The following SLC30A5 variants were observed in gnomAD, a reference collection of about 807,000 sequenced individuals.
The protein encoded by SLC30A5 is solute carrier family 30 member 5, also known as proton-coupled zinc antiporter SLC30A5.
SLC30A5 carries 33 observed loss-of-function variants against 79.6 expected under a neutral mutation model. That is an observed-to-expected ratio of 0.41 (90% CI 0.31 to 0.55). SLC30A5 has a LOEUF of 0.55. Among genes scored for constraint, SLC30A5 ranks in the 20% least tolerant of loss-of-function variants. SLC30A5 has a pLI of 0.20. For synonymous variants in SLC30A5, 299 were observed against 319.7 expected (o/e 0.94, Z 0.69); for missense variants, 788 against 928.1 (o/e 0.85, Z 1.96).
rs377505223 is a variant in SLC30A5, at chr5:69,107,734, CT to C, written c.360-598del. Reference sequence around the variant, plus strand: ...AGCACATGGGTATATGTTGCCTGTACTTTTTTTTTTTTTTTTTGAGATGGAG... The same window carrying C: ...AGCACATGGGTATATGTTGCCTGTACTTTTTTTTTTTTTTTTGAGATGGAG... On this transcript the variant is annotated intron_variant, in intron 4 of 15. Transcript: ENST00000396591. Among the ~76,000 whole-genome samples, 522 of 136,932 alleles carry C rather than the reference CT, an allele frequency of 3.8e-3. 3 individuals carry two copies. Among genetic ancestry groups the C allele is most frequent in the East Asian group, 0.022 (105 of 4,774 alleles). 89.8% of individuals were successfully genotyped at this position (136,932 alleles called of 152,430 possible). A position where few individuals can be genotyped will look rare whatever the true frequency, so the allele number is the denominator to read the frequency against.
Position 69,129,450 on chromosome 5 carries a change from A to G in SLC30A5, c.2131A>G (p.Thr711Ala). The G allele has an allele frequency of 6.2e-7, 1 of 1,609,806 alleles. No individual in the cohort carries two copies. Among genetic ancestry groups the G allele is most frequent in the Non-Finnish European group, 8.5e-7 (1 of 1,178,160 alleles). Residue 711 changes from threonine to alanine, a missense_variant, in exon 16 of 16, where the codon ACA becomes GCA. Thr to Ala is a moderately conservative substitution (Grantham distance 58). Around this residue, in one of 3 missense-constraint regions of SLC30A5, gnomAD observed 158 missense variants for 156.2 expected, o/e 1.01. Transcript: ENST00000396591. ...VLEQRIVQQVTGILKDAGVNN... is the reference protein window; with the variant it reads ...VLEQRIVQQVAGILKDAGVNN... The stretch of plus-strand genomic sequence containing the variant: ...AATATCTGGATTTTTATAACAGGTT[A>G]CAGGAATACTTAAAGATGCTGGAGT...
At chr5:69,120,362 T>G (rs1746504019) in intron 12 of SLC30A5, among the ~76,000 whole-genome samples, 1 of 150,910 alleles carries the variant, frequency 6.6e-6, no homozygotes, top group Admixed American at 6.7e-5. Flanking sequence ...CCAGCCTGGT[T>G]GACAGAGCAA....
chr5:69,096,023 C>T (rs1009680610), intron 1 of SLC30A5, among the ~76,000 whole-genome samples: 18 of 151,984 alleles, frequency 1.2e-4, no homozygotes, highest in African/African-American at 3.6e-4. Flanking sequence ...GAGCCGAGAT[C>T]GCACCACTGC....
chr5:69,129,380 C>G, intron 15 of SLC30A5, 67 bp from the exon 16 acceptor site: 1 of 1,133,902 alleles, frequency 8.8e-7, no homozygotes, highest in Admixed American at 2.1e-5. Flanking sequence ...CTATGTACAG[C>G]ATATTAAGAC....
At chr5:69,103,950 C>A (rs1206518869) in intron 3 of SLC30A5, 2 of 1,526,224 alleles carry the variant, frequency 1.3e-6, no homozygotes, top group Admixed American at 2.0e-5. Flanking sequence ...TAACTTTTTT[C>A]TCTCCTTTCA....
At chr5:69,128,455 G>A (rs1314745454) in intron 15 of SLC30A5, among the ~76,000 whole-genome samples, 1 of 151,810 alleles carries the variant, frequency 6.6e-6, no homozygotes, top group Non-Finnish European at 1.5e-5. Flanking sequence ...TAGAGATGGG[G>A]TTTCGCCATG....
intron 5 of SLC30A5, among the ~76,000 whole-genome samples, chr5:69,112,677 T>C (rs948074588): frequency 1.1e-4 from 16 of 152,238 alleles, no homozygotes; most frequent in African/African-American, 3.6e-4. Flanking sequence ...CTTTGTACTT[T>C]ACTAGATCTT....
chr5:69,128,494 C>T (rs1417829570), intron 15 of SLC30A5, among the ~76,000 whole-genome samples: 2 of 152,048 alleles, frequency 1.3e-5, no homozygotes, highest in Non-Finnish European at 2.9e-5. Flanking sequence ...AACTCCTGAC[C>T]TCAGGTGATC....
At chr5:69,128,250 CTTTTTTTTT>C in intron 15 of SLC30A5, 118 bp downstream of exon 15, 1 of 286,482 alleles carries the variant, frequency 3.5e-6, no homozygotes, top group Admixed American at 6.5e-5. Context: ...TCTTCCAACT[CTTTTTTTTT>C]TTTTTTTTTT....
At chr5:69,099,797 ATTTG>A (rs778028028) in intron 1 of SLC30A5, among the ~76,000 whole-genome samples, 19 of 152,126 alleles carry the variant, frequency 1.2e-4, no homozygotes, top group Non-Finnish European at 2.4e-4. Context: ...TGTTCTCCTT[ATTTG>A]TTTGGAGGAG....
At position 69,119,771 on chromosome 5, in the gene SLC30A5, G is replaced by A. The variant is rs552713331; in HGVS notation, c.1569+1143G>A. On this transcript the variant is annotated intron_variant, in intron 12 of 15. Coordinates refer to ENST00000396591, the MANE Select transcript of SLC30A5 (RefSeq NM_022902.5). Reference sequence around the variant, plus strand: ...GCAGTGGCTCACGCCTGTAATCCCAGCACTTTGGGAGGCCGAGGTGGTTGG... The same window carrying A: ...GCAGTGGCTCACGCCTGTAATCCCAACACTTTGGGAGGCCGAGGTGGTTGG... 3.3e-5 allele frequency among the ~76,000 whole-genome samples: 5 copies of A among 152,250 alleles called. No homozygotes were observed. The East Asian group carries it at 5.8e-4, about 18-fold the overall frequency.
At chr5:69,108,981 A>G (rs1746160279) in intron 5 of SLC30A5, among the ~76,000 whole-genome samples, 1 of 152,162 alleles carries the variant, frequency 6.6e-6, no homozygotes, top group Admixed American at 6.6e-5. Context: ...GAAACAGTGG[A>G]AAATGATTTT....
chr5:69,122,527 G>A (rs992456332), intron 13 of SLC30A5, among the ~76,000 whole-genome samples: 1 of 152,042 alleles, frequency 6.6e-6, no homozygotes, highest in African/African-American at 2.4e-5. Flanking sequence ...GGTGGCAGGC[G>A]CCTGTAGTCT....
chr5:69,118,246 T>G, intron 11 of SLC30A5: 1 of 143,842 alleles, frequency 7.0e-6, no homozygotes, highest in East Asian at 2.1e-4. Flanking sequence ...ATGTATATAT[T>G]CGTTAAAATG....
At chr5:69,094,474 G>A (rs1745661808) in intron 1 of SLC30A5, 136 bp downstream of exon 1, 1 of 966,346 alleles carries the variant, frequency 1.0e-6, no homozygotes. Flanking sequence ...GCCTCCCTGC[G>A]CGCAGGCTGC....
Position 69,123,088 on chromosome 5 carries a change from G to A in SLC30A5, c.1772-111G>A. ...TTTAGGCATTTTGAAGTACTAGCCA[G>A]TAGCAGAGTATGTGGTGCACAGTAG... On this transcript the variant is annotated intron_variant, in intron 13 of 15. Coordinates refer to ENST00000396591, the MANE Select transcript of SLC30A5 (RefSeq NM_022902.5). 5 of 667,194 alleles carry A rather than the reference G, an allele frequency of 7.5e-6. No individual in the cohort carries two copies. The South Asian group carries it at 1.1e-4, about 15-fold the overall frequency. 41.3% of individuals were successfully genotyped at this position (667,194 alleles called of 1,614,324 possible). A position where few individuals can be genotyped will look rare whatever the true frequency, so the allele number is the denominator to read the frequency against.
At position 69,115,377 on chromosome 5, in the gene SLC30A5, A is replaced by G. The variant is rs1038782098; in HGVS notation, c.753A>G (p.Pro251=). ...TTGTTTCTGTGCTTCTCTTGTGCCC[A>G]TGGGTCATTGTTCTTTCTGTGACAA... The part of the protein sequence containing the change: ...SHLVSVLLLC[P]WVIVLSVTTE... The change falls in exon 8 of 16, where the codon CCA becomes CCG. Residue 251 remains proline (P), a synonymous_variant. Coordinates refer to ENST00000396591, the MANE Select transcript of SLC30A5 (RefSeq NM_022902.5). The G allele has an allele frequency of 9.9e-6, 16 of 1,613,716 alleles. No homozygotes were observed. The highest frequency in any genetic ancestry group is 1.7e-5 in the Admixed American group (1 of 59,954).
chr5:69,130,380 T>C lies in SLC30A5; in HGVS notation c.*763T>C, dbSNP rs1204307863. The C allele has an allele frequency of 6.6e-6, 1 of 152,206 alleles. No individual in the cohort carries two copies. Among genetic ancestry groups the C allele is most frequent in the East Asian group, 1.9e-4 (1 of 5,204 alleles). The allele number at this position is 152,206 out of a possible 1,614,324, so 9.4% of individuals were successfully genotyped here. On this transcript the variant is annotated 3_prime_UTR_variant, in exon 16 of 16. Coordinates refer to ENST00000396591, the MANE Select transcript of SLC30A5 (RefSeq NM_022902.5). ...AAGTAGAATATTTCCTTTCTTGTTA[T>C]ATATTTGACATTCCAAGCTGCTTAT...
chr5:69,122,003 A>AG (rs1299124703), intron 13 of SLC30A5, 108 bp downstream of exon 13: 7 of 829,282 alleles, frequency 8.4e-6, no homozygotes, highest in Non-Finnish European at 1.3e-5. Flanking sequence ...ATTTTTAAAA[A>AG]GCAATCTGTG....
Sources: gnomAD v4.1 joint callset for allele counts (sites outside exome capture counted in the v4.1 genomes callset) on GRCh38, gnomAD v4.1.1 for gene constraint, gnomAD v4.1.1 regional missense constraint, MANE v1.5 for transcripts, NCBI Gene and HGNC (gene_info 2026-07-23, HGNC 2026-07-21) for gene names.